The following VPS13B variants were observed in gnomAD, a reference collection of about 807,000 sequenced individuals.
VPS13B encodes the protein intermembrane lipid transfer protein VPS13B.
In VPS13B, 285 loss-of-function variants were observed where a neutral mutation model predicts 426.4. The ratio of observed to expected loss-of-function variants is 0.67; its 90% CI spans 0.61 to 0.74. The LOEUF (loss-of-function observed/expected upper bound fraction) is 0.74, where lower values mean the gene tolerates loss of function less well. VPS13B is among the 30% of genes least tolerant of loss of function. The pLI is 0.00. For synonymous variants in VPS13B, 1,676 were observed against 1,676.4 expected (o/e 1.00, Z 0.01); for missense variants, 4,537 against 4,782.6 (o/e 0.95, Z 1.51).
At chr8:99,360,686 C>G in intron 19 of VPS13B, among the ~76,000 whole-genome samples, 1 of 152,096 alleles carries the variant, frequency 6.6e-6, no homozygotes, top group East Asian at 1.9e-4. Context: ...GGACATATAC[C>G]GGCTTGAGTA....
At chr8:99,297,102 T>C (rs1453030221) in intron 19 of VPS13B, among the ~76,000 whole-genome samples, 1 of 152,186 alleles carries the variant, frequency 6.6e-6, no homozygotes, top group Non-Finnish European at 1.5e-5. Flanking sequence ...TTTGAGACTT[T>C]AGATGCTAAA....
At chr8:99,281,048 A>G (rs1249649910) in intron 19 of VPS13B, among the ~76,000 whole-genome samples, 2 of 152,144 alleles carry the variant, frequency 1.3e-5, no homozygotes, top group South Asian at 4.1e-4. Flanking sequence ...CAATTTTTCA[A>G]TAGACTTGGG....
chr8:99,475,239 A>G (rs1283093295), intron 24 of VPS13B, among the ~76,000 whole-genome samples: 1 of 152,196 alleles, frequency 6.6e-6, no homozygotes, highest in Non-Finnish European at 1.5e-5. Flanking sequence ...GGAAGAGGAC[A>G]TATTACAAAG....
chr8:99,338,923 T>C (rs1811080723), intron 19 of VPS13B, among the ~76,000 whole-genome samples: 1 of 152,146 alleles, frequency 6.6e-6, no homozygotes. Context: ...ATGTCAGACA[T>C]GCAAATAGAG....
chr8:99,469,405 G>A (rs954553629), intron 24 of VPS13B, among the ~76,000 whole-genome samples: 5 of 151,798 alleles, frequency 3.3e-5, no homozygotes, highest in African/African-American at 1.2e-4. Flanking sequence ...TGAACTCCTG[G>A]CTTCAAGCGA....
chr8:99,199,230 A>G (rs1382625653), intron 17 of VPS13B, among the ~76,000 whole-genome samples: 2 of 152,002 alleles, frequency 1.3e-5, no homozygotes, highest in African/African-American at 4.8e-5. Flanking sequence ...CACCCAGGCT[A>G]GAGTGCAGTG....
At chr8:99,085,028 G>C (rs1845697376) in intron 3 of VPS13B, among the ~76,000 whole-genome samples, 1 of 152,016 alleles carries the variant, frequency 6.6e-6, no homozygotes, top group South Asian at 2.1e-4. Flanking sequence ...CTGTCTCGTT[G>C]ATCTGTGTGA....
At chr8:99,293,207 G>A (rs2133050389) in intron 19 of VPS13B, among the ~76,000 whole-genome samples, 1 of 135,724 alleles carries the variant, frequency 7.4e-6, no homozygotes, top group Non-Finnish European at 1.6e-5. Context: ...TAGATCAATG[G>A]AACAGAACAG....
intron 25 of VPS13B, among the ~76,000 whole-genome samples, chr8:99,486,070 A>G (rs1820287913): frequency 6.6e-6 from 1 of 152,128 alleles, no homozygotes; most frequent in Non-Finnish European, 1.5e-5. Context: ...CCTCTGTTGC[A>G]GAATTGTCCC....
At chr8:99,583,505 G>A (rs2133823134) in intron 33 of VPS13B, among the ~76,000 whole-genome samples, 1 of 152,218 alleles carries the variant, frequency 6.6e-6, no homozygotes, top group Non-Finnish European at 1.5e-5. Flanking sequence ...GTGAAGTGAT[G>A]GTAGAGGTTG....
intron 19 of VPS13B, among the ~76,000 whole-genome samples, chr8:99,277,685 C>T (rs1292287199): frequency 6.6e-6 from 1 of 152,156 alleles, no homozygotes; most frequent in Non-Finnish European, 1.5e-5. Context: ...TATTTTTCTA[C>T]ACTCCTTTAG....
chr8:99,729,040 T>C lies in VPS13B; in HGVS notation c.7050+7993T>C, dbSNP rs567053753. Among the ~76,000 whole-genome samples the C allele has an allele frequency of 2.2e-3, 335 of 152,300 alleles. 1 individual carries two copies. Among genetic ancestry groups the C allele is most frequent in the Admixed American group, 4.7e-3 (72 of 15,302 alleles). On this transcript the variant is annotated intron_variant, in intron 39 of 61. Coordinates refer to ENST00000357162, the MANE Select transcript of VPS13B (RefSeq NM_152564.5). ...GCTTCCAGAGCTCCAAAAGTCACAT[T>C]TACAAGTCCAGCCTCTGTTTCAGAT... is the stretch of plus-strand genomic sequence containing the variant.
chr8:99,131,267 T>G (rs1180535347), intron 8 of VPS13B, among the ~76,000 whole-genome samples: 1 of 152,224 alleles, frequency 6.6e-6, no homozygotes, highest in Admixed American at 6.5e-5. Context: ...CATTGATGCA[T>G]TACTGTTACA....
chr8:99,022,699 G>T (rs1055498510), intron 2 of VPS13B, among the ~76,000 whole-genome samples: 1 of 152,028 alleles, frequency 6.6e-6, no homozygotes, highest in Non-Finnish European at 1.5e-5. Context: ...ACTAGATGAT[G>T]AGGTATGTCT....
At chr8:99,550,291 C>G (rs1824211166) in intron 30 of VPS13B, among the ~76,000 whole-genome samples, 1 of 151,746 alleles carries the variant, frequency 6.6e-6, no homozygotes, top group African/African-American at 2.4e-5. Context: ...GAGTCATTTT[C>G]ATGTAGAAAA....
chr8:99,298,415 G>A (rs1820162936), intron 19 of VPS13B, among the ~76,000 whole-genome samples: 1 of 152,136 alleles, frequency 6.6e-6, no homozygotes, highest in Non-Finnish European at 1.5e-5. Context: ...CTTGAACCTG[G>A]GAGGCAGAGG....
intron 40 of VPS13B, among the ~76,000 whole-genome samples, chr8:99,775,921 T>C (rs941415372): frequency 6.6e-6 from 1 of 152,120 alleles, no homozygotes; most frequent in South Asian, 2.1e-4. Context: ...AAGAAAAGAT[T>C]TAACTTGTAT....
chr8:99,435,932 A>G (rs1817346672), intron 22 of VPS13B, among the ~76,000 whole-genome samples: 1 of 152,200 alleles, frequency 6.6e-6, no homozygotes, highest in Admixed American at 6.5e-5. Flanking sequence ...AAGAGAAGAG[A>G]TATAATTTTA....
In VPS13B at chr8:99,270,131, C is replaced by T. The variant is rs928757083; in HGVS notation, c.2516-4067C>T. 9.4e-3 allele frequency among the ~76,000 whole-genome samples: 285 copies of T among 30,286 alleles called. 1 individual carries two copies. Among genetic ancestry groups the T allele is most frequent in the South Asian group, 0.023 (9 of 384 alleles). 19.9% of individuals were successfully genotyped at this position (30,286 alleles called of 152,430 possible). ...ATATAGGTATATAAGATATAAGAAT[C>T]TTTTTTTTTTTTTTTTTTTTTTTTT... On this transcript the variant is annotated intron_variant, in intron 17 of 61. Coordinates refer to ENST00000357162, the MANE Select transcript of VPS13B (RefSeq NM_152564.5).
Sources: allele counts gnomAD v4.1 joint callset (sites outside exome capture counted in the v4.1 genomes callset), GRCh38; gene constraint gnomAD v4.1.1; transcripts MANE v1.5; gene names NCBI Gene and HGNC (gene_info 2026-07-23, HGNC 2026-07-21).